STK32A: variants seen among roughly 807,000 people sequenced by gnomAD.
The protein encoded by STK32A is serine/threonine-protein kinase 32A.
STK32A carries 41 observed loss-of-function variants against 53.2 expected under a neutral mutation model. The ratio of observed to expected loss-of-function variants is 0.77; its 90% CI spans 0.60 to 1.00. STK32A has a LOEUF of 1.00. STK32A is among the 50% of genes least tolerant of loss of function. The pLI is 0.00. For missense variants in STK32A, 458 were observed against 485.8 expected, an observed-to-expected ratio of 0.94 and a Z score of 0.54; for synonymous variants, 166 against 162.8, an observed-to-expected ratio of 1.02 and a Z score of -0.15.
intron 9 of STK32A, among the ~76,000 whole-genome samples, chr5:147,372,221 G>A (rs947362110): frequency 1.3e-4 from 19 of 142,722 alleles, no homozygotes; most frequent in African/African-American, 4.3e-4. Flanking sequence ...TGTATATTGA[G>A]TGATGATACA....
chr5:147,362,218 G>T (rs2151998768), intron 8 of STK32A, among the ~76,000 whole-genome samples: 1 of 152,296 alleles, frequency 6.6e-6, no homozygotes, highest in South Asian at 2.1e-4. Flanking sequence ...CACTCCTTAG[G>T]TTATATCTCA....
intron 4 of STK32A, among the ~76,000 whole-genome samples, chr5:147,295,301 C>T (rs567783551): frequency 2.6e-5 from 4 of 152,272 alleles, no homozygotes; most frequent in Admixed American, 2.6e-4. Flanking sequence ...ATCTCATTTA[C>T]ATTCATTTAA....
intron 5 of STK32A, among the ~76,000 whole-genome samples, chr5:147,338,878 A>G (rs902860058): frequency 2.0e-5 from 3 of 152,224 alleles, no homozygotes; most frequent in Non-Finnish European, 2.9e-5. Flanking sequence ...GCTCTTAAAA[A>G]CATTAAGTTT....
rs957433255 is a variant in STK32A at position 147,387,128 on chromosome 5, C to T, written c.*3145C>T. The T allele has an allele frequency of 1.3e-5, 2 of 152,192 alleles. No homozygotes were observed. Among genetic ancestry groups the T allele is most frequent in the Non-Finnish European group, 2.9e-5 (2 of 68,038 alleles). The allele number at this position is 152,192 out of a possible 1,614,324, so 9.4% of individuals were successfully genotyped here. On this transcript the variant is annotated 3_prime_UTR_variant, in exon 13 of 13. Transcript: ENST00000397936. Reference sequence around the variant, plus strand: ...GCAGGTTTTGAAGTCCAAGAGCATCCCAGCTATAAGGCTCTTGCACTGTGA... The same window carrying T: ...GCAGGTTTTGAAGTCCAAGAGCATCTCAGCTATAAGGCTCTTGCACTGTGA...
At chr5:147,280,661 A>C (rs1228558209) in intron 4 of STK32A, among the ~76,000 whole-genome samples, 1 of 151,050 alleles carries the variant, frequency 6.6e-6, no homozygotes, top group African/African-American at 2.4e-5. Flanking sequence ...GTCTGAGCTC[A>C]GAGACACCTA....
intron 2 of STK32A, among the ~76,000 whole-genome samples, chr5:147,265,522 A>C (rs1239176975): frequency 6.6e-6 from 1 of 152,240 alleles, no homozygotes; most frequent in Non-Finnish European, 1.5e-5. Flanking sequence ...AGCAAAATAA[A>C]ATAAAGTTAC....
intron 4 of STK32A, among the ~76,000 whole-genome samples, chr5:147,320,674 G>A (rs1324181349): frequency 6.6e-6 from 1 of 152,228 alleles, no homozygotes; most frequent in East Asian, 1.9e-4. Context: ...AATATGGAGT[G>A]TTGGAAAAGG....
Position 147,379,266 on chromosome 5 carries a change from T to C in STK32A, c.1032+4048T>C, listed in dbSNP as rs542297969. On this transcript the variant is annotated intron_variant, in intron 11 of 12. Coordinates refer to ENST00000397936, the MANE Select transcript of STK32A (RefSeq NM_001112724.2). The stretch of plus-strand genomic sequence containing the variant: ...AGGAATGCTAGCAATCTTTGCACAT[T>C]CATTTTATATCCTGGGTTTCAGTAT... Among the ~76,000 whole-genome samples the C allele has an allele frequency of 5.3e-5, 8 of 152,126 alleles. No homozygotes were observed. The East Asian group carries it at 1.6e-3, about 30-fold the overall frequency.
At chr5:147,328,783 A>G (rs1581100330) in intron 5 of STK32A, among the ~76,000 whole-genome samples, 1 of 152,198 alleles carries the variant, frequency 6.6e-6, no homozygotes, top group Non-Finnish European at 1.5e-5. Flanking sequence ...CCAATGAACA[A>G]TCTGGTGGAA....
Position 147,383,873 on chromosome 5 carries a change from TTTC to T in STK32A, c.1098-14_1098-12del, listed in dbSNP as rs769180267. Reference sequence around the variant, plus strand: ...TTTCAAAGAATAAAACATCTTTTTTTTTCTTTTCTTTTTAAGAGTAAACAGGGA... The same window carrying T: ...TTTCAAAGAATAAAACATCTTTTTTTTTTTCTTTTTAAGAGTAAACAGGGA... On this transcript the variant is annotated splice_polypyrimidine_tract_variant and intron_variant, in intron 12 of 12. Coordinates refer to ENST00000397936, the MANE Select transcript of STK32A (RefSeq NM_001112724.2). The T allele has an allele frequency of 1.4e-6, 2 of 1,458,018 alleles. No individual in the cohort carries two copies. The highest frequency in any genetic ancestry group is 4.8e-5 in the East Asian group (2 of 42,078). 90.3% of individuals were successfully genotyped at this position (1,458,018 alleles called of 1,614,324 possible). A position where few individuals can be genotyped will look rare whatever the true frequency, so the allele number is the denominator to read the frequency against.
At chr5:147,343,934 A>T (rs1755561333) in intron 6 of STK32A, among the ~76,000 whole-genome samples, 1 of 152,218 alleles carries the variant, frequency 6.6e-6, no homozygotes, top group Non-Finnish European at 1.5e-5. Flanking sequence ...AGAACTACTG[A>T]TTACACCCTC....
chr5:147,269,149 G>C (rs1754927742), intron 2 of STK32A, among the ~76,000 whole-genome samples: 1 of 152,244 alleles, frequency 6.6e-6, no homozygotes, highest in African/African-American at 2.4e-5. Flanking sequence ...TACTGTTTCA[G>C]AGTTGGCGCA....
At chr5:147,257,140 G>T (rs575031376) in intron 2 of STK32A, among the ~76,000 whole-genome samples, 1 of 152,088 alleles carries the variant, frequency 6.6e-6, no homozygotes, top group South Asian at 2.1e-4. Context: ...TTAGTAAAAT[G>T]AGTGTATGGT....
chr5:147,302,339 A>G (rs536681885), intron 4 of STK32A, among the ~76,000 whole-genome samples: 132 of 152,294 alleles, frequency 8.7e-4, no homozygotes, highest in Non-Finnish European at 1.5e-3. Context: ...TTCGAGTACA[A>G]AGTTTGAGGA....
chr5:147,306,198 T>C (rs1021540324), intron 4 of STK32A, among the ~76,000 whole-genome samples: 1 of 151,984 alleles, frequency 6.6e-6, no homozygotes, highest in African/African-American at 2.4e-5. Context: ...ATTTTTCTGG[T>C]GACTTATGAG....
intron 4 of STK32A, among the ~76,000 whole-genome samples, chr5:147,280,314 G>A (rs1271775268): frequency 1.3e-5 from 2 of 151,202 alleles, no homozygotes; most frequent in Non-Finnish European, 2.9e-5. Context: ...GATAAACCAA[G>A]CCCTTTTATT....
At chr5:147,260,323 C>T (rs68071854) in intron 2 of STK32A, among the ~76,000 whole-genome samples, 106,404 of 139,798 alleles carry the variant, frequency 0.76, 40,445 homozygotes, top group African/African-American at 0.86. Flanking sequence ...CTCTCTTCTC[C>T]GTCTCTATCT....
chr5:147,400,241 T>C, the STK32A span, among the ~76,000 whole-genome samples: 1 of 152,216 alleles, frequency 6.6e-6, no homozygotes, highest in Non-Finnish European at 1.5e-5. Flanking sequence ...CAATCACTTG[T>C]ATCGCCTGAA....
chr5:147,266,430 C>G (rs1179957431), intron 2 of STK32A, among the ~76,000 whole-genome samples: 1 of 152,110 alleles, frequency 6.6e-6, no homozygotes, highest in Non-Finnish European at 1.5e-5. Context: ...TAAGACTTTT[C>G]TTAGAAGGTA....
Sources: gnomAD v4.1 joint callset for allele counts (sites outside exome capture counted in the v4.1 genomes callset) on GRCh38, gnomAD v4.1.1 for gene constraint, MANE v1.5 for transcripts, NCBI Gene and HGNC (gene_info 2026-07-23, HGNC 2026-07-21) for gene names.